Variants in MMP14 observed in about 807,000 individuals in gnomAD.
MMP14 encodes the protein matrix metallopeptidase 14.
MMP14 carries 13 observed loss-of-function variants against 64.8 expected under a neutral mutation model. That is an observed-to-expected ratio of 0.20 (90% CI 0.13 to 0.32). The LOEUF is 0.32. MMP14 is among the 10% of genes least tolerant of loss of function. MMP14 has a pLI of 1.00. For missense variants in MMP14, 594 were observed against 783.8 expected (o/e 0.76, Z 2.89); for synonymous variants, 322 against 315.9 (o/e 1.02, Z -0.20).
At chr14:22,839,702 CCCCATCA>C (rs1566480692) in intron 1 of MMP14, among the ~76,000 whole-genome samples, 1 of 152,152 alleles carries the variant, frequency 6.6e-6, no homozygotes, top group East Asian at 1.9e-4. Context: ...AAGACTACTG[CCCCATCA>C]CCAGGACCTG....
At position 22,844,436 on chromosome 14, in the gene MMP14, G is replaced by A. The variant is rs1315172981; in HGVS notation, c.1077G>A (p.Gln359=). The A allele has an allele frequency of 6.2e-7, 1 of 1,614,172 alleles. No homozygotes were observed. The highest frequency in any genetic ancestry group is 8.5e-7 in the Non-Finnish European group (1 of 1,180,026). Residue 359 remains glutamine (Q), a synonymous_variant, in exon 7 of 10, where the codon CAG becomes CAA. Coordinates refer to ENST00000311852, the MANE Select transcript of MMP14 (RefSeq NM_004995.4). ...VMDGYPMPIG[Q]FWRGLPASIN... ...ATGGATACCCAATGCCCATTGGCCA[G>A]TTCTGGCGGGGCCTGCCTGCGTCCA...
rs1317687205 is a variant in MMP14 at position 22,847,442 on chromosome 14, A to T, written c.*1403A>T. On this transcript the variant is annotated 3_prime_UTR_variant, in exon 10 of 10. Transcript: ENST00000311852. ...GACTTGGGAGAGTGAGACCCAGTGG[A>T]GGGAGCAAGAGGAGAGGGATGTCGG... 1.3e-5 allele frequency: 1 copy of T among 79,194 alleles called. No homozygotes were observed. Among genetic ancestry groups the T allele is most frequent in the Non-Finnish European group, 2.5e-5 (1 of 39,760 alleles). The allele number at this position is 79,194 out of a possible 1,614,324, so 4.9% of individuals were successfully genotyped here. A position where few individuals can be genotyped will look rare whatever the true frequency, so the allele number is the denominator to read the frequency against.
At position 22,841,920 on chromosome 14, in the gene MMP14, A is replaced by T; in HGVS notation, c.265A>T (p.Arg89Trp). 1 of 1,614,230 alleles carries T rather than the reference A, an allele frequency of 6.2e-7. No individual in the cohort carries two copies. The highest frequency in any genetic ancestry group is 2.2e-5 in the East Asian group (1 of 44,894). Residue 89 changes from arginine (R) to tryptophan (W), a missense_variant, in exon 3 of 10, where the codon AGG becomes TGG. Around this residue, in one of 4 missense-constraint regions of MMP14, gnomAD observed 179 missense variants for 283.4 expected, o/e 0.63. Coordinates refer to ENST00000311852, the MANE Select transcript of MMP14 (RefSeq NM_004995.4). ...CACCCAAACCCACTCCAGGGCCATG[A>T]GGCGCCCCCGATGTGGTGTTCCAGA... ...KADADTMKAMRRPRCGVPDKF... is the reference protein window; with the variant it reads ...KADADTMKAMWRPRCGVPDKF...
chr14:22,842,697 T>TC lies in MMP14; in HGVS notation c.669dup (p.Arg224GlnfsTer3). 6.2e-7 allele frequency: 1 copy of TC among 1,605,568 alleles called. No homozygotes were observed. Among genetic ancestry groups the TC allele is most frequent in the Non-Finnish European group, 8.5e-7 (1 of 1,174,160 alleles). On this transcript the variant is annotated frameshift_variant, in exon 4 of 10. Coordinates refer to ENST00000311852, the MANE Select transcript of MMP14 (RefSeq NM_004995.4). LOFTEE classifies it high-confidence loss of function. The surrounding 1 kb of genome is among the most constrained non-coding windows in gnomAD (Gnocchi z 5.3). ...TTTGACTCTGCCGAGCCTTGGACTG[T>TC]CAGGAATGAGGATCTGAATGGTGAG...
Position 22,844,445 on chromosome 14 carries a change from G to A in MMP14, c.1086G>A (p.Arg362=), listed in dbSNP as rs2039797235. The A allele has an allele frequency of 6.2e-7, 1 of 1,614,144 alleles. No individual in the cohort carries two copies. The highest frequency in any genetic ancestry group is 1.1e-5 in the South Asian group (1 of 91,074). ...CAATGCCCATTGGCCAGTTCTGGCG[G>A]GGCCTGCCTGCGTCCATCAACACTG... The part of the protein sequence containing the change: ...GYPMPIGQFW[R]GLPASINTAY... Residue 362 remains arginine (R), a synonymous_variant, in exon 7 of 10, where the codon CGG becomes CGA. Coordinates refer to ENST00000311852, the MANE Select transcript of MMP14 (RefSeq NM_004995.4).
rs949696427 is a variant in MMP14 at position 22,839,937 on chromosome 14, T to A, written c.109-1554T>A. Among the ~76,000 whole-genome samples, 3 of 151,766 alleles carry A rather than the reference T, an allele frequency of 2.0e-5. No homozygotes were observed. The East Asian group carries it at 5.8e-4, about 29-fold the overall frequency. On this transcript the variant is annotated intron_variant, in intron 1 of 9. Coordinates refer to ENST00000311852, the MANE Select transcript of MMP14 (RefSeq NM_004995.4). ...TAAAAGAATCCAAGCATCTTCATAT[T>A]TCATATATAACTTGGCTTGTTTTAC...
At position 22,846,377 on chromosome 14, in the gene MMP14, G is replaced by C. The variant is rs191458924; in HGVS notation, c.*338G>C. The C allele has an allele frequency of 3.4e-6, 1 of 295,514 alleles. No individual in the cohort carries two copies. The highest frequency in any genetic ancestry group is 6.3e-6 in the Non-Finnish European group (1 of 158,454). The allele number at this position is 295,514 out of a possible 1,614,324, so 18.3% of individuals were successfully genotyped here. On this transcript the variant is annotated 3_prime_UTR_variant, in exon 10 of 10. Coordinates refer to ENST00000311852, the MANE Select transcript of MMP14 (RefSeq NM_004995.4). The stretch of plus-strand genomic sequence containing the variant: ...CTTGAAGGCAGGACCCTCAGACCTC[G>C]CTGGTAAAGGTCAAATGGGGTCATC...
intron 1 of MMP14, among the ~76,000 whole-genome samples, chr14:22,838,694 C>T (rs1807941476): frequency 6.6e-6 from 1 of 151,984 alleles, no homozygotes; most frequent in African/African-American, 2.4e-5. Flanking sequence ...TCCCTCCTAC[C>T]AGGCCTCCAG....
chr14:22,843,741 C>A lies in MMP14; in HGVS notation c.882C>A (p.Pro294=). ...GGESGFPTKM[P]PQPRTTSRPS... Reference sequence around the variant, plus strand: ...AGTCAGGGTTCCCCACCAAGATGCCCCCTCAACCCAGGACTACCTCCCGGC... The same window carrying A: ...AGTCAGGGTTCCCCACCAAGATGCCACCTCAACCCAGGACTACCTCCCGGC... Residue 294 remains proline (P), a synonymous_variant, in exon 6 of 10, where the codon CCC becomes CCA. Coordinates refer to ENST00000311852, the MANE Select transcript of MMP14 (RefSeq NM_004995.4). This position sits in a 1 kb window ranked among gnomAD's most constrained non-coding sequence, Gnocchi z 4.8. 2 of 1,603,012 alleles carry A rather than the reference C, an allele frequency of 1.2e-6. No homozygotes were observed.
Position 22,843,294 on chromosome 14 carries a change from C to T in MMP14, c.726C>T (p.Gly242=), listed in dbSNP as rs894051901. The part of the protein sequence containing the change: ...DIFLVAVHEL[G]HALGLEHSSD... ...TCCTGGTGGCTGTGCACGAGCTGGGCCATGCCCTGGGGCTCGAGCATTCCA... is the reference window on the plus strand; with the variant it reads ...TCCTGGTGGCTGTGCACGAGCTGGGTCATGCCCTGGGGCTCGAGCATTCCA... Residue 242 remains glycine (G), a synonymous_variant, in exon 5 of 10, where the codon GGC becomes GGT. Transcript: ENST00000311852. This position sits in a 1 kb window ranked among gnomAD's most constrained non-coding sequence, Gnocchi z 4.8. The T allele has an allele frequency of 5.6e-6, 9 of 1,614,074 alleles. No individual in the cohort carries two copies. Among genetic ancestry groups the T allele is most frequent in the Non-Finnish European group, 6.8e-6 (8 of 1,180,000 alleles).
At chr14:22,844,223 CTG>C in intron 6 of MMP14, 146 bp from the exon 7 acceptor site, 1 of 1,169,306 alleles carries the variant, frequency 8.6e-7, no homozygotes, top group Non-Finnish European at 1.2e-6. Context: ...GGGGGGTACT[CTG>C]TGGTAGGGCG....
At chr14:22,838,213 T>A (rs945899502) in intron 1 of MMP14, among the ~76,000 whole-genome samples, 1 of 152,096 alleles carries the variant, frequency 6.6e-6, no homozygotes, top group Non-Finnish European at 1.5e-5. Flanking sequence ...GTCGTCCTCT[T>A]CCCAGGCCTA....
Position 22,843,110 on chromosome 14 carries a change from A to C in MMP14, c.689-147A>C. 1.1e-6 allele frequency: 1 copy of C among 873,536 alleles called. No homozygotes were observed. The highest frequency in any genetic ancestry group is 1.7e-6 in the Non-Finnish European group (1 of 580,784). The allele number at this position is 873,536 out of a possible 1,614,324, so 54.1% of individuals were successfully genotyped here. On this transcript the variant is annotated intron_variant, in intron 4 of 9. Transcript: ENST00000311852. This position sits in a 1 kb window ranked among gnomAD's most constrained non-coding sequence, Gnocchi z 4.8. ...GACTGGCTTTGTGCTTAAATACCAGATAAAAAGCTAGACCTCAGAATTTGG... is the reference window on the plus strand; with the variant it reads ...GACTGGCTTTGTGCTTAAATACCAGCTAAAAAGCTAGACCTCAGAATTTGG...
intron 8 of MMP14, 44 bp from the exon 9 acceptor site, chr14:22,845,207 A>G (rs750685720): frequency 6.9e-7 from 1 of 1,449,434 alleles, no homozygotes; most frequent in Non-Finnish European, 9.7e-7. Context: ...CCTCCTGAGG[A>G]CATGCCCAGT....
intron 2 of MMP14, 118 bp downstream of exon 2, chr14:22,841,757 C>A: frequency 1.9e-6 from 3 of 1,543,292 alleles, no homozygotes; most frequent in South Asian, 1.2e-5. Context: ...CTCATCCCCA[C>A]GTGCTGATCC....
intron 2 of MMP14, 136 bp downstream of exon 2, chr14:22,841,775 C>T (rs1455680095): frequency 6.5e-7 from 1 of 1,548,844 alleles, no homozygotes; most frequent in Non-Finnish European, 8.8e-7. Context: ...TCCTGACCCT[C>T]TCATATTCAC....
Position 22,843,834 on chromosome 14 carries a change from C to T in MMP14, c.975C>T (p.Thr325=), listed in dbSNP as rs368337976. Reference sequence around the variant, plus strand: ...ACATCTGTGACGGGAACTTTGACACCGTGGCCATGCTCCGAGGGGAGATGT... The same window carrying T: ...ACATCTGTGACGGGAACTTTGACACTGTGGCCATGCTCCGAGGGGAGATGT... ...GPNICDGNFD[T]VAMLRGEMFV... is the part of the protein sequence containing the mutation. The change falls in exon 6 of 10, where the codon ACC becomes ACT. Residue 325 remains threonine, a synonymous_variant. Transcript: ENST00000311852. The surrounding 1 kb of genome is among the most constrained non-coding windows in gnomAD (Gnocchi z 4.8). 7 of 1,612,720 alleles carry T rather than the reference C, an allele frequency of 4.3e-6. No individual in the cohort carries two copies. The East Asian group carries it at 1.3e-4, about 31-fold the overall frequency.
In MMP14 at chr14:22,842,932, T is replaced by C. The variant is rs2039783558; in HGVS notation, c.688+215T>C. 6.6e-6 allele frequency among the ~76,000 whole-genome samples: 1 copy of C among 152,036 alleles called. No homozygotes were observed. The highest frequency in any genetic ancestry group is 1.5e-5 in the Non-Finnish European group (1 of 68,008). On this transcript the variant is annotated intron_variant, in intron 4 of 9. Coordinates refer to ENST00000311852, the MANE Select transcript of MMP14 (RefSeq NM_004995.4). This position sits in a 1 kb window ranked among gnomAD's most constrained non-coding sequence, Gnocchi z 5.3. The stretch of plus-strand genomic sequence containing the variant: ...CTTTCCAGTCAAAGACTTCAAAGCA[T>C]CCTTATTGCCCACTTTTCCAGACCG...
chr14:22,839,121 G>C (rs2039755219), intron 1 of MMP14, among the ~76,000 whole-genome samples: 2 of 152,120 alleles, frequency 1.3e-5, no homozygotes, highest in African/African-American at 4.8e-5. Context: ...CTGTCGTTCT[G>C]CTCTAGGCAA....
Sources: gnomAD v4.1 joint callset for allele counts (sites outside exome capture counted in the v4.1 genomes callset) on GRCh38, gnomAD v4.1.1 for gene constraint, gnomAD v4.1.1 regional missense constraint, Gnocchi (gnomAD v3.1) non-coding constraint, MANE v1.5 for transcripts, NCBI Gene and HGNC (gene_info 2026-07-23, HGNC 2026-07-21) for gene names.